ERBIN: variants seen among roughly 807,000 people sequenced by gnomAD.
ERBIN encodes the protein densin-180-like protein.
A neutral mutation model predicts 158.4 loss-of-function variants in ERBIN; 60 were observed. The ratio of observed to expected loss-of-function variants is 0.38; its 90% CI spans 0.31 to 0.47. ERBIN has a LOEUF of 0.47. Ranked by LOEUF, ERBIN falls within the 20% of genes least tolerant of loss-of-function variation. The probability of loss-of-function intolerance (pLI) is 0.99; values close to 1 mark genes in which losing one functional copy is unlikely to be tolerated. For missense variants in ERBIN, 1,610 were observed against 1,648.0 expected, an observed-to-expected ratio of 0.98 and a Z score of 0.40; for synonymous variants, 594 against 557.2, an observed-to-expected ratio of 1.07 and a Z score of -0.93.
At chr5:65,940,477 C>CG (rs1744770681) in intron 1 of ERBIN, among the ~76,000 whole-genome samples, 1 of 58,982 alleles carries the variant, frequency 1.7e-5, no homozygotes, top group East Asian at 5.9e-4. Flanking sequence ...GGGGGTCAGT[C>CG]CCCCCCCCCC....
In ERBIN at chr5:66,043,099, A is replaced by T; in HGVS notation, c.1329A>T (p.Glu443Asp). ...TAGTTATGTTTATATCAGATAATGA[A>T]AGTTTTAACCCTTCATTGTGGGAGG... ...TEDVMFISDN[E>D]SFNPSLWEEQ... is the part of the protein sequence containing the mutation. The change falls in exon 16 of 26, where the codon GAA (glutamate) becomes GAT (aspartate). Residue 443 changes from glutamate to aspartate, a missense_variant. This residue lies in a region of ERBIN where 596 missense variants were observed against 711.9 expected (regional missense o/e 0.84). Coordinates refer to ENST00000284037, the MANE Select transcript of ERBIN (RefSeq NM_001253697.2). The T allele has an allele frequency of 6.2e-7, 1 of 1,605,528 alleles. No homozygotes were observed. Among genetic ancestry groups the T allele is most frequent in the Non-Finnish European group, 8.5e-7 (1 of 1,172,962 alleles).
At chr5:66,046,196 T>C (rs1041823533) in intron 17 of ERBIN, among the ~76,000 whole-genome samples, 157 bp from the exon 18 acceptor site, 4 of 152,248 alleles carry the variant, frequency 2.6e-5, no homozygotes, top group Middle Eastern at 3.2e-3. Context: ...ATGAGCATTT[T>C]ATCTGTGAGT....
chr5:65,953,106 C>T (rs1458886831), intron 1 of ERBIN, among the ~76,000 whole-genome samples: 1 of 152,208 alleles, frequency 6.6e-6, no homozygotes, highest in African/African-American at 2.4e-5. Context: ...TGGTCCACAG[C>T]CCTCTCTGCT....
At chr5:66,071,506 T>C (rs1561456713) in intron 21 of ERBIN, among the ~76,000 whole-genome samples, 1 of 152,230 alleles carries the variant, frequency 6.6e-6, no homozygotes, top group Non-Finnish European at 1.5e-5. Context: ...TAATTGGTTT[T>C]AATAGCATTT....
At chr5:65,928,729 C>A (rs1022079126) in intron 1 of ERBIN, among the ~76,000 whole-genome samples, 7 of 151,844 alleles carry the variant, frequency 4.6e-5, no homozygotes, top group African/African-American at 1.2e-4. Context: ...TAATTTACTT[C>A]GTAGTTTTCT....
At chr5:65,944,061 G>A (rs879702463) in intron 1 of ERBIN, among the ~76,000 whole-genome samples, 2 of 152,128 alleles carry the variant, frequency 1.3e-5, no homozygotes, top group Non-Finnish European at 2.9e-5. Flanking sequence ...TAGACACTGG[G>A]GTTGATGCCA....
At chr5:65,939,879 C>T (rs1327323788) in intron 1 of ERBIN, among the ~76,000 whole-genome samples, 4 of 151,866 alleles carry the variant, frequency 2.6e-5, no homozygotes, top group African/African-American at 4.8e-5. Context: ...AGTGCAGTGG[C>T]GTGATCTCGG....
intron 24 of ERBIN, 177 bp downstream of exon 24, chr5:66,076,585 A>G: frequency 1.6e-6 from 1 of 621,242 alleles, no homozygotes; most frequent in Non-Finnish European, 2.8e-6. Flanking sequence ...AGTTAAAACA[A>G]TTTAACCAAA....
intron 1 of ERBIN, among the ~76,000 whole-genome samples, chr5:65,947,216 A>G (rs1182851788): frequency 6.6e-6 from 1 of 152,008 alleles, no homozygotes; most frequent in African/African-American, 2.4e-5. Context: ...TGAAAGTTTT[A>G]TAGTTTTGCA....
Position 66,070,591 on chromosome 5 carries a change from A to AAAT in ERBIN, c.3634-1576_3634-1575insTAA, listed in dbSNP as rs1761440026. Among the ~76,000 whole-genome samples the AAAT allele has an allele frequency of 2.6e-5, 4 of 152,242 alleles. No individual in the cohort carries two copies. The South Asian group carries it at 8.3e-4, about 32-fold the overall frequency. ...ACATTCATGGTGTGCTTGTTCTTTT[A>AAAT]AAAAGTAGATAAACATAGTTATACA... On this transcript the variant is annotated intron_variant, in intron 21 of 25. Coordinates refer to ENST00000284037, the MANE Select transcript of ERBIN (RefSeq NM_001253697.2).
At chr5:66,049,988 T>C (rs1758857038) in intron 19 of ERBIN, among the ~76,000 whole-genome samples, 1 of 152,052 alleles carries the variant, frequency 6.6e-6, no homozygotes, top group Non-Finnish European at 1.5e-5. Flanking sequence ...AATTCCTTGA[T>C]TTGTTTGGTG....
intron 25 of ERBIN, 64 bp downstream of exon 25, chr5:66,077,013 TG>T: frequency 8.0e-7 from 1 of 1,255,258 alleles, no homozygotes; most frequent in Non-Finnish European, 1.1e-6. Flanking sequence ...CAGTTTAAAA[TG>T]TTTTCACTTT....
intron 1 of ERBIN, chr5:65,961,429 G>GA: frequency 6.6e-6 from 1 of 152,160 alleles, no homozygotes. Flanking sequence ...TTTCCAAAAT[G>GA]AAAAATTCTC....
intron 18 of ERBIN, among the ~76,000 whole-genome samples, chr5:66,048,340 T>C (rs1758659217): frequency 6.6e-6 from 1 of 151,980 alleles, no homozygotes; most frequent in Non-Finnish European, 1.5e-5. Context: ...AGTGTTACTC[T>C]AATTCATAGA....
intron 25 of ERBIN, among the ~76,000 whole-genome samples, chr5:66,077,759 T>TGC (rs1466127143): frequency 7.2e-6 from 1 of 139,288 alleles, no homozygotes; most frequent in Non-Finnish European, 1.6e-5. Flanking sequence ...TCCCTCCCTC[T>TGC]ACACACACAC....
chr5:66,009,610 G>A (rs1347854627), intron 4 of ERBIN, among the ~76,000 whole-genome samples: 1 of 152,200 alleles, frequency 6.6e-6, no homozygotes, highest in East Asian at 1.9e-4. Flanking sequence ...TAGGCTTTCA[G>A]AAGATCCTAC....
In ERBIN at chr5:66,079,952, A is replaced by G. The variant is rs1052140707; in HGVS notation, c.*1422A>G. 3 of 152,198 alleles carry G rather than the reference A, an allele frequency of 2.0e-5. No homozygotes were observed. Among genetic ancestry groups the G allele is most frequent in the Admixed American group, 6.5e-5 (1 of 15,280 alleles). 9.4% of individuals were successfully genotyped at this position (152,198 alleles called of 1,614,324 possible). A position where few individuals can be genotyped will look rare whatever the true frequency, so the allele number is the denominator to read the frequency against. On this transcript the variant is annotated 3_prime_UTR_variant, in exon 26 of 26. Transcript: ENST00000284037. ...TAAAATTTGAGTAACATGTAATGGT[A>G]AGGATTAATGCATGGTTATTTGGAC...
At chr5:66,036,854 G>A (rs1757446853) in intron 14 of ERBIN, among the ~76,000 whole-genome samples, 1 of 152,210 alleles carries the variant, frequency 6.6e-6, no homozygotes, top group Middle Eastern at 3.2e-3. Flanking sequence ...GAAGTTAGGT[G>A]TTCAGGGAAC....
chr5:66,051,010 G>A, intron 20 of ERBIN, 44 bp downstream of exon 20: 3 of 1,259,206 alleles, frequency 2.4e-6, no homozygotes, highest in Non-Finnish European at 3.4e-6. Flanking sequence ...ACAATAAATA[G>A]AAGTAGTAAG....
Sources: gnomAD v4.1 joint callset for allele counts (sites outside exome capture counted in the v4.1 genomes callset) on GRCh38, gnomAD v4.1.1 for gene constraint, gnomAD v4.1.1 regional missense constraint, MANE v1.5 for transcripts, NCBI Gene and HGNC (gene_info 2026-07-23, HGNC 2026-07-21) for gene names.